The following USP10 variants were observed in gnomAD, a reference collection of about 807,000 sequenced individuals.
USP10 encodes the protein ubiquitin specific peptidase 10.
In USP10, 22 loss-of-function variants were observed where a neutral mutation model predicts 84.5. The ratio of observed to expected loss-of-function variants is 0.26; its 90% CI spans 0.19 to 0.37. The LOEUF (loss-of-function observed/expected upper bound fraction) is 0.37. Ranked by LOEUF, USP10 falls within the 10% of genes least tolerant of loss-of-function variation. The pLI is 1.00. For missense variants in USP10, 1,019 were observed against 998.9 expected, an observed-to-expected ratio of 1.02 and a Z score of -0.27; for synonymous variants, 454 against 387.6, an observed-to-expected ratio of 1.17 and a Z score of -2.01.
At chr16:84,728,221 CA>C (rs1340742496) in intron 1 of USP10, among the ~76,000 whole-genome samples, 1 of 152,198 alleles carries the variant, frequency 6.6e-6, no homozygotes, top group African/African-American at 2.4e-5. Flanking sequence ...TTTGGTGTCA[CA>C]AACATGCCTT....
chr16:84,726,815 C>T (rs371364032), intron 1 of USP10, among the ~76,000 whole-genome samples: 60 of 152,320 alleles, frequency 3.9e-4, no homozygotes, highest in African/African-American at 1.4e-3. Flanking sequence ...TACTTTGCTC[C>T]CCCGAATCGC....
chr16:84,706,457 C>G (rs2150754510), intron 1 of USP10, among the ~76,000 whole-genome samples: 1 of 149,610 alleles, frequency 6.7e-6, no homozygotes, highest in Admixed American at 6.7e-5. Context: ...CCTTACGTGG[C>G]TGCAAAGACT....
chr16:84,745,268 A>C lies in USP10; in HGVS notation c.787A>C (p.Thr263Pro). Residue 263 changes from threonine to proline, a missense_variant, in exon 4 of 14, where the codon ACC (threonine) becomes CCC (proline). By Grantham distance (38) the Thr-to-Pro change is conservative. Transcript: ENST00000219473. ...CTTCCCTGCAGAGGCTGGCAGAGAC[A>C]CCCTGTCAAGGACAGCTGGGGCTCA... ...SCFPAEAGRD[T>P]LSRTAGAQPC... 1.2e-6 allele frequency: 2 copies of C among 1,613,422 alleles called. No individual in the cohort carries two copies. The highest frequency in any genetic ancestry group is 4.5e-5 in the East Asian group (2 of 44,886).
chr16:84,771,130 G>A (rs1457344887), intron 11 of USP10, among the ~76,000 whole-genome samples: 1 of 151,982 alleles, frequency 6.6e-6, no homozygotes, highest in African/African-American at 2.4e-5. Flanking sequence ...GAATGATAAA[G>A]GGATTGTTAT....
At position 84,710,437 on chromosome 16, in the gene USP10, A is replaced by G. The variant is rs75965700; in HGVS notation, c.21+10326A>G. Among the ~76,000 whole-genome samples the G allele has an allele frequency of 6.7e-3, 1,026 of 152,220 alleles. 8 individuals carry two copies. The highest frequency in any genetic ancestry group is 0.023 in the African/African-American group (969 of 41,526). On this transcript the variant is annotated intron_variant, in intron 1 of 13. Coordinates refer to ENST00000219473, the MANE Select transcript of USP10 (RefSeq NM_005153.3). The stretch of plus-strand genomic sequence containing the variant: ...AGCCTCATAACTTTGAGGGGAAAGA[A>G]GTAGGGCATTTCTTTTGGGGACTTT...
chr16:84,778,171 G>A (rs915426536), intron 13 of USP10, among the ~76,000 whole-genome samples: 3 of 149,458 alleles, frequency 2.0e-5, no homozygotes, highest in South Asian at 2.1e-4. Context: ...AGGCAAATGC[G>A]TAACTACCAG....
chr16:84,705,320 C>G (rs1026630833), intron 1 of USP10, among the ~76,000 whole-genome samples: 2 of 152,016 alleles, frequency 1.3e-5, no homozygotes, highest in African/African-American at 4.8e-5. Context: ...CAACTTCTGC[C>G]TCCCGGGTTC....
intron 2 of USP10, among the ~76,000 whole-genome samples, 167 bp from the exon 3 acceptor site, chr16:84,740,142 G>C (rs1597342444): frequency 6.6e-6 from 1 of 152,210 alleles, no homozygotes; most frequent in Non-Finnish European, 1.5e-5. Context: ...GTTAAATGAA[G>C]ATGATTTAGA....
intron 12 of USP10, among the ~76,000 whole-genome samples, chr16:84,773,839 C>T (rs1914699930): frequency 6.6e-6 from 1 of 152,216 alleles, no homozygotes; most frequent in African/African-American, 2.4e-5. Context: ...TCACTCGCCT[C>T]CAGATCAGCT....
intron 13 of USP10, among the ~76,000 whole-genome samples, 159 bp downstream of exon 13, chr16:84,775,384 A>G (rs367852987): frequency 7.4e-4 from 113 of 152,300 alleles, no homozygotes; most frequent in African/African-American, 2.6e-3. Flanking sequence ...GTTTTACCTG[A>G]AACTCTGCGT....
intron 1 of USP10, among the ~76,000 whole-genome samples, chr16:84,703,012 A>AAAAAAAAAAAAAAAAAG (rs1680357305): frequency 6.6e-6 from 1 of 150,772 alleles, no homozygotes; most frequent in African/African-American, 2.4e-5. Context: ...AAAAAAAAAA[A>AAAAAAAAAAAAAAAAAG]AGAGCGAAAC....
In USP10 at chr16:84,745,237, G is replaced by C. The variant is rs2150822921; in HGVS notation, c.756G>C (p.Gln252His). Residue 252 changes from glutamine (Q) to histidine (H), a missense_variant, in exon 4 of 14, where the codon CAG (glutamine) becomes CAC (histidine). Around this residue, in one of 2 missense-constraint regions of USP10, gnomAD observed 787 missense variants for 708.8 expected, o/e 1.11. Coordinates refer to ENST00000219473, the MANE Select transcript of USP10 (RefSeq NM_005153.3). ...PEGGPGADFG[Q>H]SCFPAEAGRD... ...GGGGCCCCGGGGCTGATTTTGGTCA[G>C]TCCTGCTTCCCTGCAGAGGCTGGCA... 1 of 1,613,414 alleles carries C rather than the reference G, an allele frequency of 6.2e-7. No individual in the cohort carries two copies. The highest frequency in any genetic ancestry group is 2.2e-5 in the East Asian group (1 of 44,880).
chr16:84,772,027 A>C (rs572842841), intron 11 of USP10, among the ~76,000 whole-genome samples: 1 of 152,210 alleles, frequency 6.6e-6, no homozygotes, highest in South Asian at 2.1e-4. Flanking sequence ...AGTTGTGCTT[A>C]TGGGAACGTA....
chr16:84,702,415 A>G (rs900441862), intron 1 of USP10, among the ~76,000 whole-genome samples: 4 of 152,172 alleles, frequency 2.6e-5, no homozygotes, highest in South Asian at 2.1e-4. Flanking sequence ...TAATGGAATC[A>G]TGTATGACAG....
chr16:84,708,437 T>G (rs192279550), intron 1 of USP10, among the ~76,000 whole-genome samples: 1 of 152,006 alleles, frequency 6.6e-6, no homozygotes, highest in East Asian at 1.9e-4. Flanking sequence ...GACGAAAGAG[T>G]GAAACTCCAT....
intron 7 of USP10, 24 bp from the exon 8 acceptor site, chr16:84,760,148 A>G: frequency 6.3e-7 from 1 of 1,585,686 alleles, no homozygotes; most frequent in East Asian, 2.3e-5. Context: ...AGTTAGGAAA[A>G]CCTGTGTCCT....
At chr16:84,742,055 C>T (rs1425994085) in intron 3 of USP10, among the ~76,000 whole-genome samples, 1 of 152,102 alleles carries the variant, frequency 6.6e-6, no homozygotes, top group Non-Finnish European at 1.5e-5. Flanking sequence ...TCGGCCTTTT[C>T]TATTTTTGTG....
intron 2 of USP10, among the ~76,000 whole-genome samples, chr16:84,737,367 A>G (rs12933308): frequency 0.17 from 25,915 of 152,246 alleles, 2,549 homozygotes; most frequent in Middle Eastern, 0.31. Flanking sequence ...GTATTCTTAC[A>G]AATAGTTATA....
chr16:84,758,403 C>T (rs983910900), intron 4 of USP10, among the ~76,000 whole-genome samples: 30 of 152,292 alleles, frequency 2.0e-4, no homozygotes, highest in African/African-American at 6.5e-4. Flanking sequence ...CAAATCTATT[C>T]TCTAATAATG....
Sources: allele counts gnomAD v4.1 joint callset (sites outside exome capture counted in the v4.1 genomes callset), GRCh38; gene constraint gnomAD v4.1.1; regional missense constraint gnomAD v4.1.1; transcripts MANE v1.5; gene names NCBI Gene and HGNC (gene_info 2026-07-23, HGNC 2026-07-21).